NIPBL: variants seen among roughly 807,000 people sequenced by gnomAD.
NIPBL encodes the protein NIPBL cohesin loading factor, also known as nipped-B-like protein.
In NIPBL, 19 loss-of-function variants were observed where a neutral mutation model predicts 321.8. The observed-to-expected ratio is 0.06, with a 90% CI of 0.04 to 0.09. The LOEUF (loss-of-function observed/expected upper bound fraction) is 0.09. NIPBL is among the 10% of genes least tolerant of loss of function. NIPBL has a pLI of 1.00. For missense variants in NIPBL, 2,210 were observed against 3,327.0 expected (o/e 0.66, Z 8.26); for synonymous variants, 1,106 against 1,114.1 (o/e 0.99, Z 0.14).
At chr5:36,984,129 T>C (rs2149641850) in intron 9 of NIPBL, among the ~76,000 whole-genome samples, 1 of 152,240 alleles carries the variant, frequency 6.6e-6, no homozygotes, top group South Asian at 2.1e-4. Context: ...TAAATTCTTT[T>C]TTTAAATTCA....
At chr5:36,904,212 T>C (rs967614724) in intron 1 of NIPBL, among the ~76,000 whole-genome samples, 5 of 152,252 alleles carry the variant, frequency 3.3e-5, no homozygotes, top group Non-Finnish European at 7.3e-5. Context: ...GGCTCGCGCC[T>C]CTAATCCCAG....
chr5:37,044,850 T>C, intron 36 of NIPBL, 121 bp downstream of exon 36: 2 of 728,372 alleles, frequency 2.7e-6, no homozygotes, highest in Non-Finnish European at 2.4e-6. Context: ...TTATCCACCG[T>C]GGTCCTCTCA....
chr5:37,044,444 T>C lies in NIPBL; in HGVS notation c.6206T>C (p.Ile2069Thr), dbSNP rs905256858. 2 of 1,613,942 alleles carry C rather than the reference T, an allele frequency of 1.2e-6. No homozygotes were observed. The change falls in exon 35 of 47, where the codon ATT becomes ACT. Residue 2069 changes from isoleucine to threonine, a missense_variant. Around this residue, in one of 14 missense-constraint regions of NIPBL, gnomAD observed 73 missense variants for 222.3 expected, o/e 0.33. Coordinates refer to ENST00000282516, the MANE Select transcript of NIPBL (RefSeq NM_133433.4). ...EHPSETFLAT[I>T]EEDLMKLIIK... The stretch of plus-strand genomic sequence containing the variant: ...CCAAGTGAAACTTTTCTTGCCACTA[T>C]TGAGGAAGATCTAATGAAGCTCATC...
At chr5:37,033,705 C>CACATAT (rs1415570935) in intron 32 of NIPBL, among the ~76,000 whole-genome samples, 4 of 80,242 alleles carry the variant, frequency 5.0e-5, no homozygotes, top group African/African-American at 9.6e-5. Flanking sequence ...CACACACACA[C>CACATAT]ATATATATAT....
At chr5:37,040,713 C>T (rs1002246178) in intron 34 of NIPBL, among the ~76,000 whole-genome samples, 1 of 152,132 alleles carries the variant, frequency 6.6e-6, no homozygotes, top group South Asian at 2.1e-4. Context: ...GGAACAGTTT[C>T]TGAGAAGTGG....
At chr5:37,023,499 G>T (rs1308896274) in intron 29 of NIPBL, among the ~76,000 whole-genome samples, 1 of 151,954 alleles carries the variant, frequency 6.6e-6, no homozygotes, top group Non-Finnish European at 1.5e-5. Context: ...ATTATTTTAA[G>T]TCAAACATTT....
At chr5:36,992,598 TG>T (rs922660837) in intron 10 of NIPBL, among the ~76,000 whole-genome samples, 6 of 152,194 alleles carry the variant, frequency 3.9e-5, no homozygotes, top group African/African-American at 1.4e-4. Flanking sequence ...CACTGCAACC[TG>T]GAACTCCTGA....
At chr5:36,942,432 TAAAAAAAAAAA>T (rs33935189) in intron 1 of NIPBL, among the ~76,000 whole-genome samples, 7 of 59,780 alleles carry the variant, frequency 1.2e-4, no homozygotes, top group Non-Finnish European at 2.0e-4. Context: ...ACTCTGTCTT[TAAAAAAAAAAA>T]AAAAAAAAAA....
intron 42 of NIPBL, among the ~76,000 whole-genome samples, chr5:37,056,162 AGGG>A (rs1754070166): frequency 6.6e-6 from 1 of 152,162 alleles, no homozygotes; most frequent in Non-Finnish European, 1.5e-5. Flanking sequence ...TAGATGAGGT[AGGG>A]TTTTATGTCT....
chr5:36,877,196 A>T lies in NIPBL; in HGVS notation c.-80+18A>T. 1 of 194,492 alleles carries T rather than the reference A, an allele frequency of 5.1e-6. No homozygotes were observed. Among genetic ancestry groups the T allele is most frequent in the Non-Finnish European group, 1.0e-5 (1 of 97,240 alleles). The allele number at this position is 194,492 out of a possible 1,614,324, so 12.0% of individuals were successfully genotyped here. ...TCGCCCAGGTAAATTCCTGCTCTTTATTTCGGCGGCGGCGGCGGCGGCGCC... is the reference window on the plus strand; with the variant it reads ...TCGCCCAGGTAAATTCCTGCTCTTTTTTTCGGCGGCGGCGGCGGCGGCGCC... On this transcript the variant is annotated intron_variant, in intron 1 of 46. Transcript: ENST00000282516.
intron 1 of NIPBL, chr5:36,885,578 TG>T: frequency 5.6e-6 from 3 of 532,382 alleles, no homozygotes; most frequent in East Asian, 5.0e-5. Context: ...GGTCAGAGAC[TG>T]GGGCCATTAC....
Position 36,976,243 on chromosome 5 carries a change from A to C in NIPBL, c.1336A>C (p.Lys446Gln), listed in dbSNP as rs770354010. 1.9e-6 allele frequency: 3 copies of C among 1,613,868 alleles called. No individual in the cohort carries two copies. The South Asian group carries it at 3.3e-5, about 18-fold the overall frequency. The part of the protein sequence containing the change: ...VLQQNTSVAA[K>Q]QPQTSVVQNQ... Reference sequence around the variant, plus strand: ...ACAACAGAACACTTCAGTTGCTGCAAAACAACCCCAGACTTCTGTGGTACA... The same window carrying C: ...ACAACAGAACACTTCAGTTGCTGCACAACAACCCCAGACTTCTGTGGTACA... Residue 446 changes from lysine to glutamine, a missense_variant, in exon 9 of 47, where the codon AAA becomes CAA. This residue lies in a region of NIPBL where 464 missense variants were observed against 529.5 expected (regional missense o/e 0.88). Coordinates refer to ENST00000282516, the MANE Select transcript of NIPBL (RefSeq NM_133433.4).
At chr5:36,975,753 C>T (rs772279101) in intron 8 of NIPBL, 23 bp from the exon 9 acceptor site, 2 of 1,611,614 alleles carry the variant, frequency 1.2e-6, no homozygotes, top group African/African-American at 1.3e-5. Flanking sequence ...ACAACTGTTA[C>T]TTCTATCGAA....
In NIPBL at chr5:36,958,875, T is replaced by C. The variant is rs201172495; in HGVS notation, c.358+644T>C. On this transcript the variant is annotated intron_variant, in intron 4 of 46. Transcript: ENST00000282516. ...TAGGGCAGGAATAGCTTGGACAACT[T>C]CAGAAAGTTCAACTTTGTTAATTAA... 2.6e-5 allele frequency among the ~76,000 whole-genome samples: 4 copies of C among 152,264 alleles called. No individual in the cohort carries two copies. The East Asian group carries it at 5.8e-4, about 22-fold the overall frequency.
intron 1 of NIPBL, among the ~76,000 whole-genome samples, chr5:36,937,574 G>T (rs1402139124): frequency 6.6e-6 from 1 of 151,804 alleles, no homozygotes; most frequent in Non-Finnish European, 1.5e-5. Flanking sequence ...GAGAAGAAAA[G>T]GAGAAGTTGC....
intron 9 of NIPBL, among the ~76,000 whole-genome samples, chr5:36,978,359 AT>A (rs1450945470): frequency 6.6e-6 from 1 of 151,988 alleles, no homozygotes; most frequent in African/African-American, 2.4e-5. Flanking sequence ...GATATTGAGC[AT>A]TTTTTAAAAT....
intron 10 of NIPBL, among the ~76,000 whole-genome samples, chr5:36,990,781 T>G (rs1745407853): frequency 6.6e-6 from 1 of 152,156 alleles, no homozygotes; most frequent in African/African-American, 2.4e-5. Context: ...AGAAACCTTT[T>G]TATAAAAACT....
At chr5:37,044,249 G>T (rs149792452) in intron 34 of NIPBL, 98 bp from the exon 35 acceptor site, 4 of 1,057,560 alleles carry the variant, frequency 3.8e-6, no homozygotes, top group Admixed American at 2.4e-5. Context: ...GGACCTTTAC[G>T]TGCAAAATGC....
At chr5:37,038,913 T>C (rs956408090) in intron 34 of NIPBL, among the ~76,000 whole-genome samples, 175 bp downstream of exon 34, 1 of 152,162 alleles carries the variant, frequency 6.6e-6, no homozygotes, top group Non-Finnish European at 1.5e-5. Context: ...ATAAATAAAG[T>C]TCAGGTTCCA....
Sources: gnomAD v4.1 joint callset for allele counts (sites outside exome capture counted in the v4.1 genomes callset) on GRCh38, gnomAD v4.1.1 for gene constraint, gnomAD v4.1.1 regional missense constraint, MANE v1.5 for transcripts, NCBI Gene and HGNC (gene_info 2026-07-23, HGNC 2026-07-21) for gene names.